The following MINDY2 variants were observed in gnomAD, a reference collection of about 807,000 sequenced individuals.
MINDY2 encodes ubiquitin carboxyl-terminal hydrolase MINDY-2.
Under a neutral mutation model 68.2 loss-of-function variants are expected in MINDY2, and 52 were observed. The ratio of observed to expected loss-of-function variants is 0.76; its 90% confidence interval spans 0.61 to 0.96. The LOEUF is 0.96. Ranked by LOEUF, MINDY2 falls within the 40% of genes least tolerant of loss-of-function variation. The pLI is 0.00. For synonymous variants in MINDY2, 372 were observed against 303.0 expected, an observed-to-expected ratio of 1.23 and a Z score of -2.36; for missense variants, 881 against 773.4, an observed-to-expected ratio of 1.14 and a Z score of -1.65.
rs144740074 is a variant in MINDY2, at chr15:58,788,886, C to G, written c.898+923C>G. 1.2e-4 allele frequency among the ~76,000 whole-genome samples: 19 copies of G among 152,204 alleles called. No individual in the cohort carries two copies. In the East Asian group the frequency reaches 3.7e-3, roughly 29 times the overall value. On this transcript the variant is annotated intron_variant, in intron 2 of 8. Coordinates refer to ENST00000559228, the MANE Select transcript of MINDY2 (RefSeq NM_001040450.3). ...AATTAGCCAGGCGTGGTGTCATGCA[C>G]CTATAGTCCCAACTATTCGGGAGGC...
chr15:58,787,140 CTTTTTTTT>C (rs58374538), intron 1 of MINDY2, among the ~76,000 whole-genome samples: 15 of 78,150 alleles, frequency 1.9e-4, no homozygotes, highest in East Asian at 7.6e-4. Context: ...CATTTCTTTA[CTTTTTTTT>C]TTTTTTTTTT....
chr15:58,812,720 T>C (rs2140979656), intron 4 of MINDY2, among the ~76,000 whole-genome samples: 1 of 152,264 alleles, frequency 6.6e-6, no homozygotes, highest in South Asian at 2.1e-4. Flanking sequence ...TAGCTAGGCA[T>C]GATGGAACAT....
At chr15:58,835,223 A>G (rs2031935117) in intron 6 of MINDY2, among the ~76,000 whole-genome samples, 1 of 152,206 alleles carries the variant, frequency 6.6e-6, no homozygotes, top group Non-Finnish European at 1.5e-5. Flanking sequence ...ATTTATTTCT[A>G]TTGAGATACA....
chr15:58,780,043 TTTCTC>T (rs1901033044), intron 1 of MINDY2, among the ~76,000 whole-genome samples: 1 of 152,324 alleles, frequency 6.6e-6, no homozygotes, highest in Non-Finnish European at 1.5e-5. Flanking sequence ...TTGTATGTGT[TTTCTC>T]TTTTAAGTTT....
chr15:58,797,173 G>T (rs900337269), intron 2 of MINDY2, among the ~76,000 whole-genome samples: 1 of 152,124 alleles, frequency 6.6e-6, no homozygotes, highest in Non-Finnish European at 1.5e-5. Flanking sequence ...AATATTGATT[G>T]TTGAAATGTT....
intron 2 of MINDY2, among the ~76,000 whole-genome samples, chr15:58,801,597 A>C (rs561384097): frequency 6.6e-6 from 1 of 152,172 alleles, no homozygotes; most frequent in African/African-American, 2.4e-5. Flanking sequence ...AGGTGATACC[A>C]AATAAAAACT....
chr15:58,810,453 A>G, intron 4 of MINDY2, 65 bp downstream of exon 4: 1 of 1,376,494 alleles, frequency 7.3e-7, no homozygotes. Flanking sequence ...TTGGCAAATT[A>G]ATCTCAATTT....
chr15:58,836,272 C>A (rs986412659), intron 6 of MINDY2, among the ~76,000 whole-genome samples: 1 of 150,888 alleles, frequency 6.6e-6, no homozygotes, highest in African/African-American at 2.4e-5. Context: ...TGGGGTCTCA[C>A]TCCATCACCC....
chr15:58,776,836 A>G (rs1274339732), intron 1 of MINDY2, among the ~76,000 whole-genome samples: 1 of 152,120 alleles, frequency 6.6e-6, no homozygotes, highest in Non-Finnish European at 1.5e-5. Context: ...AGCTGGGGCA[A>G]TATAGTGAGA....
intron 6 of MINDY2, among the ~76,000 whole-genome samples, chr15:58,835,089 C>T (rs886651420): frequency 7.9e-5 from 12 of 152,146 alleles, no homozygotes; most frequent in African/African-American, 2.4e-4. Flanking sequence ...GAGCATGTAT[C>T]ATGTCTGGGT....
At chr15:58,819,920 A>C (rs1336321323) in intron 4 of MINDY2, among the ~76,000 whole-genome samples, 9 of 152,198 alleles carry the variant, frequency 5.9e-5, no homozygotes, top group African/African-American at 2.2e-4. Context: ...TTGGCACTGC[A>C]TCAAAAGATT....
chr15:58,840,930 A>C (rs2032249430), intron 6 of MINDY2, among the ~76,000 whole-genome samples: 1 of 149,248 alleles, frequency 6.7e-6, no homozygotes, highest in African/African-American at 2.5e-5. Flanking sequence ...GGCCTCCCAA[A>C]GTGCTGGAAT....
rs937495626 is a variant in MINDY2 at position 58,860,588 on chromosome 15, A to G, written c.*5978A>G. The G allele has an allele frequency of 2.0e-5, 3 of 151,838 alleles. No individual in the cohort carries two copies. The highest frequency in any genetic ancestry group is 1.3e-4 in the Admixed American group (2 of 15,260). The allele number at this position is 151,838 out of a possible 1,614,324, so 9.4% of individuals were successfully genotyped here. On this transcript the variant is annotated 3_prime_UTR_variant, in exon 9 of 9. Transcript: ENST00000559228. ...GACTCTTATATCTCAAAAAAAAAAA[A>G]AAAAAAAAGTCAAGAAACTGAAATT... is the stretch of plus-strand genomic sequence containing the variant.
intron 6 of MINDY2, among the ~76,000 whole-genome samples, chr15:58,838,973 G>T (rs2032142458): frequency 1.3e-5 from 2 of 152,030 alleles, no homozygotes. Context: ...AGGCCAACAG[G>T]GGAAAGTCCA....
chr15:58,829,902 T>C (rs1436234074), intron 5 of MINDY2, among the ~76,000 whole-genome samples: 1 of 152,234 alleles, frequency 6.6e-6, no homozygotes, highest in Non-Finnish European at 1.5e-5. Context: ...ACCTATGTTA[T>C]CTGCTTCTGG....
intron 4 of MINDY2, among the ~76,000 whole-genome samples, chr15:58,819,927 G>C (rs1356114442): frequency 6.6e-6 from 1 of 152,138 alleles, no homozygotes; most frequent in African/African-American, 2.4e-5. Context: ...TGCATCAAAA[G>C]ATTGACCATT....
intron 6 of MINDY2, among the ~76,000 whole-genome samples, chr15:58,840,805 C>CG (rs2032241528): frequency 6.8e-6 from 1 of 147,148 alleles, no homozygotes; most frequent in African/African-American, 2.5e-5. Context: ...TACAGGCCCC[C>CG]GCCACCATGC....
chr15:58,851,196 A>G (rs1595785972), intron 7 of MINDY2, among the ~76,000 whole-genome samples: 1 of 151,840 alleles, frequency 6.6e-6, no homozygotes, highest in Non-Finnish European at 1.5e-5. Context: ...GTGGTCTCGA[A>G]CTCCTGGGCT....
intron 1 of MINDY2, among the ~76,000 whole-genome samples, chr15:58,785,725 G>A (rs1198450693): frequency 6.6e-6 from 1 of 152,050 alleles, no homozygotes; most frequent in Non-Finnish European, 1.5e-5. Context: ...CACCCAGGCT[G>A]GAGCGTAGTG....
Sources: allele counts gnomAD v4.1 joint callset (sites outside exome capture counted in the v4.1 genomes callset), GRCh38; gene constraint gnomAD v4.1.1; transcripts MANE v1.5; gene names NCBI Gene and HGNC (gene_info 2026-07-23, HGNC 2026-07-21).